Variants in PKD2 observed in about 807,000 individuals in gnomAD.
PKD2 encodes the protein polycystin 2, transient receptor potential cation channel.
In PKD2, 48 loss-of-function variants were observed where a neutral mutation model predicts 105.9. That is an observed-to-expected ratio of 0.45 (90% confidence interval 0.36 to 0.58). The LOEUF is 0.58. Ranked by LOEUF, PKD2 falls within the 20% of genes least tolerant of loss-of-function variation. The pLI is 0.00. For missense variants in PKD2, 1,078 were observed against 1,255.3 expected (o/e 0.86, Z 2.13); for synonymous variants, 464 against 481.1 (o/e 0.96, Z 0.46).
At chr4:88,052,732 C>T (rs1298849771) in intron 7 of PKD2, among the ~76,000 whole-genome samples, 4 of 151,912 alleles carry the variant, frequency 2.6e-5, no homozygotes, top group Non-Finnish European at 4.4e-5. Context: ...GGCCTGGGGC[C>T]CCAGGCTGCT....
At chr4:88,067,625 A>G (rs1276917734) in intron 12 of PKD2, among the ~76,000 whole-genome samples, 2 of 152,158 alleles carry the variant, frequency 1.3e-5, no homozygotes, top group Non-Finnish European at 2.9e-5. Context: ...TGTGACCACT[A>G]TGCCTGGCCC....
intron 1 of PKD2, among the ~76,000 whole-genome samples, chr4:88,019,162 CTT>C (rs1280406962): frequency 2.6e-5 from 4 of 152,076 alleles, no homozygotes; most frequent in Admixed American, 6.5e-5. Context: ...TTCCTGTTCT[CTT>C]TTTAAAATTT....
chr4:88,015,538 G>A (rs561938459), intron 1 of PKD2, among the ~76,000 whole-genome samples: 50 of 152,050 alleles, frequency 3.3e-4, no homozygotes, highest in African/African-American at 1.1e-3. Flanking sequence ...TCAGCCTCCC[G>A]AGTAGCTGGG....
intron 13 of PKD2, among the ~76,000 whole-genome samples, chr4:88,071,975 CTTTTTTTTTTTTT>C (rs1199490302): frequency 5.7e-5 from 5 of 87,110 alleles, no homozygotes; most frequent in African/African-American, 2.4e-4. Context: ...AGAGGCCAGT[CTTTTTTTTTTTTT>C]TTTTTTTTTT....
At chr4:88,054,399 CAAAAA>C (rs201113474) in intron 7 of PKD2, among the ~76,000 whole-genome samples, 1 of 75,798 alleles carries the variant, frequency 1.3e-5, no homozygotes, top group Non-Finnish European at 2.7e-5. Context: ...CACTTCGTCT[CAAAAA>C]AAAAAAAAAA....
intron 13 of PKD2, among the ~76,000 whole-genome samples, chr4:88,074,075 C>G (rs1400654385): frequency 6.6e-6 from 1 of 152,022 alleles, no homozygotes; most frequent in Non-Finnish European, 1.5e-5. Flanking sequence ...CTGATGTCTC[C>G]TTAGAATTTT....
intron 13 of PKD2, among the ~76,000 whole-genome samples, chr4:88,070,614 A>G (rs1393261031): frequency 2.8e-5 from 4 of 145,192 alleles, no homozygotes; most frequent in Non-Finnish European, 6.1e-5. Flanking sequence ...AGAGAGAGAG[A>G]GAGAGAGAGA....
intron 10 of PKD2, among the ~76,000 whole-genome samples, chr4:88,062,301 T>C (rs969979503): frequency 2.0e-5 from 3 of 152,214 alleles, no homozygotes; most frequent in Non-Finnish European, 2.9e-5. Flanking sequence ...ACATCTCCTG[T>C]AGCTGGCTCT....
intron 10 of PKD2, 52 bp downstream of exon 10, chr4:88,062,056 C>T: frequency 2.3e-6 from 2 of 883,226 alleles, no homozygotes; most frequent in Non-Finnish European, 3.9e-6. Context: ...ATAAAATGAG[C>T]ATTGTTTCAC....
chr4:88,019,615 G>T (rs780075467), intron 2 of PKD2, 44 bp downstream of exon 2: 4 of 1,046,414 alleles, frequency 3.8e-6, no homozygotes, highest in Non-Finnish European at 6.0e-6. Context: ...GTTTTGAAAA[G>T]ATTTGACCTA....
At chr4:88,063,657 G>A (rs193112532) in intron 10 of PKD2, among the ~76,000 whole-genome samples, 1 of 152,312 alleles carries the variant, frequency 6.6e-6, no homozygotes, top group East Asian at 1.9e-4. Flanking sequence ...GCTGAGTGAA[G>A]AAGAAATAGG....
At chr4:88,057,930 ACTAGTGGACATTCTTTGTT>A in intron 8 of PKD2, 34 bp from the exon 9 acceptor site, 1 of 1,361,642 alleles carries the variant, frequency 7.3e-7, no homozygotes, top group Non-Finnish European at 1.1e-6. Flanking sequence ...TGTTGCATCA[ACTAGTGGACATTCTTTGTT>A]TTTGTATTGT....
intron 4 of PKD2, among the ~76,000 whole-genome samples, chr4:88,042,150 G>A (rs1291516961): frequency 6.6e-6 from 1 of 152,210 alleles, no homozygotes; most frequent in Admixed American, 6.5e-5. Context: ...TCATGCTGCT[G>A]ATAAAGACAT....
At chr4:88,045,405 T>C (rs139635987) in intron 5 of PKD2, among the ~76,000 whole-genome samples, 53 of 152,348 alleles carry the variant, frequency 3.5e-4, no homozygotes, top group African/African-American at 1.2e-3. Flanking sequence ...ATTTTCACAC[T>C]TCTCTGACCA....
intron 4 of PKD2, among the ~76,000 whole-genome samples, chr4:88,041,546 G>A (rs890838133): frequency 6.6e-6 from 1 of 152,214 alleles, no homozygotes; most frequent in African/African-American, 2.4e-5. Context: ...AGGTCACATA[G>A]GATGTGCTGA....
At chr4:88,024,881 T>G (rs960086000) in intron 2 of PKD2, among the ~76,000 whole-genome samples, 3 of 152,118 alleles carry the variant, frequency 2.0e-5, no homozygotes, top group African/African-American at 7.2e-5. Context: ...ATGCCTGTAA[T>G]TCCAGCACTT....
At chr4:88,052,268 G>T in intron 7 of PKD2, 110 bp downstream of exon 7, 2 of 741,980 alleles carry the variant, frequency 2.7e-6, no homozygotes, top group Non-Finnish European at 4.7e-6. Flanking sequence ...ACCAGCCAAA[G>T]CTGCTCAATA....
chr4:88,059,094 T>C (rs1720464569), intron 9 of PKD2, among the ~76,000 whole-genome samples: 1 of 152,162 alleles, frequency 6.6e-6, no homozygotes, highest in Non-Finnish European at 1.5e-5. Flanking sequence ...GTATATGGTA[T>C]TTATTGATTG....
chr4:88,048,885 T>G (rs747992836), intron 6 of PKD2, among the ~76,000 whole-genome samples: 26 of 152,228 alleles, frequency 1.7e-4, no homozygotes, highest in Non-Finnish European at 3.5e-4. Flanking sequence ...TCTGTTCGGA[T>G]TGATGGCAGA....
Sources: gnomAD v4.1 joint callset for allele counts (sites outside exome capture counted in the v4.1 genomes callset) on GRCh38, gnomAD v4.1.1 for gene constraint, MANE v1.5 for transcripts, NCBI Gene and HGNC (gene_info 2026-07-23, HGNC 2026-07-21) for gene names.